The following SPATA16 variants were observed in gnomAD, a reference collection of about 807,000 sequenced individuals.
The protein encoded by SPATA16 is spermatogenesis associated 16.
SPATA16 carries 36 observed loss-of-function variants against 63.3 expected under a neutral mutation model. The ratio of observed to expected loss-of-function variants is 0.57; its 90% confidence interval spans 0.44 to 0.75. The LOEUF is 0.75. Ranked by LOEUF, SPATA16 falls within the 30% of genes least tolerant of loss-of-function variation. The probability of loss-of-function intolerance (pLI) is 0.00; values close to 1 mark genes in which losing one functional copy is unlikely to be tolerated. For missense variants in SPATA16, 646 were observed against 679.3 expected (o/e 0.95, Z 0.54); for synonymous variants, 203 against 216.7 (o/e 0.94, Z 0.56).
At chr3:173,048,864 G>A in intron 3 of SPATA16, 85 bp downstream of exon 3, 1 of 1,499,840 alleles carries the variant, frequency 6.7e-7, no homozygotes, top group Non-Finnish European at 9.3e-7. Context: ...ATTGAAATAA[G>A]ATGGAAGGTG....
chr3:172,924,174 A>T (rs1238700408), intron 8 of SPATA16, 34 bp downstream of exon 8: 3 of 1,457,590 alleles, frequency 2.1e-6, no homozygotes, highest in Admixed American at 1.7e-5. Context: ...TAATATTTGT[A>T]CATTGGACAA....
At chr3:172,971,277 G>T (rs572527454) in intron 5 of SPATA16, among the ~76,000 whole-genome samples, 13 of 152,228 alleles carry the variant, frequency 8.5e-5, no homozygotes, top group Non-Finnish European at 1.5e-4. Context: ...GAACACATGC[G>T]CACATACCTA....
chr3:173,067,157 C>T (rs903763177), intron 2 of SPATA16, among the ~76,000 whole-genome samples: 7 of 151,740 alleles, frequency 4.6e-5, no homozygotes, highest in African/African-American at 1.7e-4. Context: ...TGAAGCGGAC[C>T]TACAAGATCT....
At position 173,137,822 on chromosome 3, in the gene SPATA16, AACACACACACAC is replaced by A. The variant is rs1185263699; in HGVS notation, c.-19+3269_-19+3280del. On this transcript the variant is annotated intron_variant, in intron 1 of 10. Transcript: ENST00000351008. Reference sequence around the variant, plus strand: ...TCTGAGGGGGATCCCATGGACTCTCAACACACACACACACACACACACACACACACACACACA... The same window carrying A: ...TCTGAGGGGGATCCCATGGACTCTCAACACACACACACACACACACACACA... 3.2e-3 allele frequency among the ~76,000 whole-genome samples: 393 copies of A among 122,284 alleles called. 3 individuals carry two copies. The highest frequency in any genetic ancestry group is 9.2e-3 in the African/African-American group (308 of 33,412). The allele number at this position is 122,284 out of a possible 152,430, so 80.2% of individuals were successfully genotyped here.
At position 173,076,943 on chromosome 3, in the gene SPATA16, G is replaced by C. The variant is rs557158957; in HGVS notation, c.613-27849C>G. 5.3e-5 allele frequency among the ~76,000 whole-genome samples: 8 copies of C among 152,200 alleles called. No homozygotes were observed. In the South Asian group the frequency reaches 1.5e-3, roughly 28 times the overall value. On this transcript the variant is annotated intron_variant, in intron 2 of 10. Transcript: ENST00000351008. ...AGAACCTTTAGAGAGTTTCTGAAGA[G>C]CATGTGAATTGTTAATCCCATACTG...
At chr3:172,891,876 C>A (rs2109538112) in intron 10 of SPATA16, among the ~76,000 whole-genome samples, 1 of 152,292 alleles carries the variant, frequency 6.6e-6, no homozygotes, top group South Asian at 2.1e-4. Flanking sequence ...AACATTTTTT[C>A]ATCTCTTTAG....
rs190543619 is a variant in SPATA16, at chr3:172,928,035, G to A, written c.1082-2543C>T. Among the ~76,000 whole-genome samples, 35 of 151,898 alleles carry A rather than the reference G, an allele frequency of 2.3e-4. No homozygotes were observed. In the East Asian group the frequency reaches 4.8e-3, roughly 21 times the overall value. ...AGCAATTCTCCTGCCTCAGCCTCCC[G>A]AGTAGCTAGGATTACAGGCACGCGC... On this transcript the variant is annotated intron_variant, in intron 6 of 10. Transcript: ENST00000351008.
intron 8 of SPATA16, among the ~76,000 whole-genome samples, chr3:172,919,844 T>A (rs1732579823): frequency 1.3e-5 from 2 of 151,638 alleles, no homozygotes; most frequent in Admixed American, 6.6e-5. Flanking sequence ...CATCTGACTA[T>A]TTTTTTGTGT....
intron 4 of SPATA16, among the ~76,000 whole-genome samples, chr3:172,978,161 C>CTCTCTATA (rs779050166): frequency 1.4e-5 from 2 of 147,230 alleles, no homozygotes; most frequent in African/African-American, 5.1e-5. Context: ...CTCTCTCTCT[C>CTCTCTATA]TATATATATA....
intron 6 of SPATA16, among the ~76,000 whole-genome samples, chr3:172,952,305 G>T (rs930523607): frequency 6.6e-6 from 1 of 152,162 alleles, no homozygotes; most frequent in African/African-American, 2.4e-5. Flanking sequence ...AGAAAAATAT[G>T]TTAAAGTTAC....
intron 3 of SPATA16, among the ~76,000 whole-genome samples, chr3:173,022,744 GA>G (rs34736596): frequency 0.022 from 3,033 of 140,716 alleles, 101 homozygotes; most frequent in African/African-American, 0.073. Context: ...CAGTTACAGT[GA>G]AAAAAAAAAA....
chr3:173,108,944 A>G lies in SPATA16; in HGVS notation c.612+8176T>C, dbSNP rs566993100. ...AGTCTATTGTGTTTGCACAATGACA[A>G]AATTGCCTAATGACACATTTCTCAG... is the stretch of plus-strand genomic sequence containing the variant. On this transcript the variant is annotated intron_variant, in intron 2 of 10. Transcript: ENST00000351008. 2.3e-3 allele frequency among the ~76,000 whole-genome samples: 352 copies of G among 152,308 alleles called. 1 individual carries two copies. The highest frequency in any genetic ancestry group is 8.2e-3 in the African/African-American group (340 of 41,556).
At chr3:172,957,785 A>ACCC (rs1357025417) in intron 5 of SPATA16, among the ~76,000 whole-genome samples, 1 of 152,230 alleles carries the variant, frequency 6.6e-6, no homozygotes, top group Non-Finnish European at 1.5e-5. Flanking sequence ...TTACATTATT[A>ACCC]CCCTCACAGT....
At chr3:172,908,802 C>G (rs1199543251) in intron 10 of SPATA16, among the ~76,000 whole-genome samples, 2 of 152,046 alleles carry the variant, frequency 1.3e-5, no homozygotes, top group Non-Finnish European at 2.9e-5. Flanking sequence ...TCAACTTCTA[C>G]TGGGCTCAGA....
At chr3:173,013,948 G>T (rs570839473) in intron 4 of SPATA16, among the ~76,000 whole-genome samples, 2 of 152,190 alleles carry the variant, frequency 1.3e-5, no homozygotes, top group South Asian at 4.1e-4. Flanking sequence ...TGTGCCTGTT[G>T]CTGCCTCTGG....
At chr3:172,895,084 TCA>T (rs956651838) in intron 10 of SPATA16, among the ~76,000 whole-genome samples, 5 of 152,218 alleles carry the variant, frequency 3.3e-5, no homozygotes, top group African/African-American at 1.2e-4. Flanking sequence ...AATTGAGGAT[TCA>T]CACACATCAG....
intron 5 of SPATA16, among the ~76,000 whole-genome samples, chr3:172,957,497 T>A (rs2108235278): frequency 6.6e-6 from 1 of 152,306 alleles, no homozygotes; most frequent in Non-Finnish European, 1.5e-5. Context: ...CCATTACTAT[T>A]TGTAACAGAC....
At chr3:173,074,768 C>CA (rs1280554724) in intron 2 of SPATA16, among the ~76,000 whole-genome samples, 1 of 151,970 alleles carries the variant, frequency 6.6e-6, no homozygotes, top group Non-Finnish European at 1.5e-5. Flanking sequence ...GAGGCTGTGG[C>CA]AGGTGGATCA....
chr3:173,037,917 A>G (rs987596829), intron 3 of SPATA16, among the ~76,000 whole-genome samples: 1 of 152,168 alleles, frequency 6.6e-6, no homozygotes, highest in African/African-American at 2.4e-5. Context: ...GGCTAATGCT[A>G]TGTTGTCAGT....
Sources: gnomAD v4.1 joint callset for allele counts (sites outside exome capture counted in the v4.1 genomes callset) on GRCh38, gnomAD v4.1.1 for gene constraint, MANE v1.5 for transcripts, NCBI Gene and HGNC (gene_info 2026-07-23, HGNC 2026-07-21) for gene names.